The following FOXN3 variants were observed in gnomAD, a reference collection of about 807,000 sequenced individuals.
The protein encoded by FOXN3 is forkhead box N3.
A neutral mutation model predicts 38.4 loss-of-function variants in FOXN3; 7 were observed. The ratio of observed to expected loss-of-function variants is 0.18; its 90% CI spans 0.10 to 0.34. FOXN3 has a LOEUF of 0.34. Among genes scored for constraint, FOXN3 ranks in the 10% least tolerant of loss-of-function variants. FOXN3 has a pLI of 1.00. For missense variants in FOXN3, 456 were observed against 613.4 expected (o/e 0.74, Z 2.71); for synonymous variants, 230 against 242.2 (o/e 0.95, Z 0.47).
At chr14:89,387,959 G>C (rs1890837639) in intron 2 of FOXN3, among the ~76,000 whole-genome samples, 1 of 152,218 alleles carries the variant, frequency 6.6e-6, no homozygotes, top group South Asian at 2.1e-4. Flanking sequence ...CAGGTGGGTG[G>C]ATCACCTGCG....
intron 1 of FOXN3, among the ~76,000 whole-genome samples, chr14:89,509,329 G>GT (rs76127000): frequency 7.9e-5 from 12 of 151,334 alleles, no homozygotes; most frequent in Admixed American, 2.6e-4. Flanking sequence ...TTTTTTTGTT[G>GT]TTGTTTGTTT....
chr14:89,240,511 C>T (rs1325241857), intron 4 of FOXN3, among the ~76,000 whole-genome samples: 1 of 152,194 alleles, frequency 6.6e-6, no homozygotes, highest in East Asian at 1.9e-4. Context: ...GTGAAATACT[C>T]TGACATCAAT....
At chr14:89,521,351 T>C (rs1894312883) in intron 1 of FOXN3, among the ~76,000 whole-genome samples, 1 of 91,236 alleles carries the variant, frequency 1.1e-5, no homozygotes, top group Admixed American at 1.0e-4. Flanking sequence ...TCTTCATAGA[T>C]GATAGATAGA....
intron 4 of FOXN3, among the ~76,000 whole-genome samples, chr14:89,205,125 T>C (rs915068258): frequency 2.0e-5 from 3 of 151,976 alleles, no homozygotes; most frequent in Non-Finnish European, 4.4e-5. Context: ...CTTTGAAAGA[T>C]GCTTCTTTTT....
intron 1 of FOXN3, among the ~76,000 whole-genome samples, chr14:89,430,444 C>T (rs1242552311): frequency 6.6e-6 from 1 of 152,138 alleles, no homozygotes; most frequent in Non-Finnish European, 1.5e-5. Context: ...TTGCTGAAAA[C>T]CCACCACATT....
At chr14:89,290,546 GA>G in intron 3 of FOXN3, 1 of 550,482 alleles carries the variant, frequency 1.8e-6, no homozygotes. Context: ...TTTCACAATT[GA>G]AAATGTAAGC....
At chr14:89,426,519 G>A (rs577162158) in intron 1 of FOXN3, among the ~76,000 whole-genome samples, 5 of 151,952 alleles carry the variant, frequency 3.3e-5, no homozygotes, top group African/African-American at 4.8e-5. Flanking sequence ...CACCATGCCC[G>A]GGCAGGAGTA....
chr14:89,374,960 G>C (rs1344926284), intron 2 of FOXN3, among the ~76,000 whole-genome samples: 1 of 148,580 alleles, frequency 6.7e-6, no homozygotes, highest in African/African-American at 2.5e-5. Flanking sequence ...CTGAGTGACA[G>C]AGTGAGACTC....
In FOXN3 at chr14:89,246,542, C is replaced by CTTTTTTTTTTTTTTT. The variant is rs755916666; in HGVS notation, c.745+34393_745+34407dup. On this transcript the variant is annotated intron_variant, in intron 4 of 5. Coordinates refer to ENST00000557258, the MANE Select transcript of FOXN3 (RefSeq NM_005197.4). ...TTCTCATCTTATTTGCAGGATGCGGCTTTTTTTTTTTTTTTTTTGAGACAG... is the reference window on the plus strand; with the variant it reads ...TTCTCATCTTATTTGCAGGATGCGGCTTTTTTTTTTTTTTTTTTTTTTTTTTTTTTTTTGAGACAG... Among the ~76,000 whole-genome samples the CTTTTTTTTTTTTTTT allele has an allele frequency of 2.4e-5, 2 of 83,986 alleles. 1 individual carries two copies. The highest frequency in any genetic ancestry group is 3.4e-4 in the Admixed American group (2 of 5,830). The allele number at this position is 83,986 out of a possible 152,430, so 55.1% of individuals were successfully genotyped here.
chr14:89,387,002 A>T (rs1035991248), intron 2 of FOXN3, among the ~76,000 whole-genome samples: 2 of 152,208 alleles, frequency 1.3e-5, no homozygotes, highest in Non-Finnish European at 2.9e-5. Flanking sequence ...CACGCCTGTA[A>T]TCCCAGCACT....
chr14:89,320,636 C>T (rs1039760395), intron 3 of FOXN3, among the ~76,000 whole-genome samples: 1 of 152,202 alleles, frequency 6.6e-6, no homozygotes. Flanking sequence ...CTCCTCATCA[C>T]ACTCAGGGGA....
At chr14:89,204,462 C>T (rs765585794) in intron 4 of FOXN3, among the ~76,000 whole-genome samples, 3 of 151,928 alleles carry the variant, frequency 2.0e-5, no homozygotes, top group Non-Finnish European at 4.4e-5. Context: ...ATTCTTCCTC[C>T]GAAAAATAGA....
intron 1 of FOXN3, among the ~76,000 whole-genome samples, chr14:89,594,101 T>C (rs1896009536): frequency 6.6e-6 from 1 of 152,204 alleles, no homozygotes; most frequent in Non-Finnish European, 1.5e-5. Context: ...ATGCACATTA[T>C]ATTATACTCT....
intron 4 of FOXN3, among the ~76,000 whole-genome samples, chr14:89,235,105 T>C (rs1884942427): frequency 6.6e-6 from 1 of 152,184 alleles, no homozygotes. Flanking sequence ...CTATTTCTTA[T>C]TTAATCCTTA....
intron 4 of FOXN3, among the ~76,000 whole-genome samples, chr14:89,187,947 GACTCCCT>G (rs774316114): frequency 2.0e-5 from 3 of 152,178 alleles, no homozygotes; most frequent in Non-Finnish European, 4.4e-5. Context: ...TGCAAAGGTA[GACTCCCT>G]ACTTTCTGCC....
chr14:89,374,263 CAAAAAAAA>C (rs35623770), intron 2 of FOXN3, among the ~76,000 whole-genome samples: 40 of 48,178 alleles, frequency 8.3e-4, no homozygotes, highest in African/African-American at 2.6e-3. Flanking sequence ...GACCTTGTCT[CAAAAAAAA>C]AAAAAAAAAA....
At chr14:89,331,286 A>G (rs914213922) in intron 3 of FOXN3, among the ~76,000 whole-genome samples, 5 of 152,218 alleles carry the variant, frequency 3.3e-5, no homozygotes, top group African/African-American at 1.2e-4. Flanking sequence ...AAAACTTCAT[A>G]TAAGTGGAAT....
chr14:89,462,535 G>A (rs946859482), intron 1 of FOXN3, among the ~76,000 whole-genome samples: 4 of 152,154 alleles, frequency 2.6e-5, no homozygotes, highest in African/African-American at 9.7e-5. Flanking sequence ...GTAGACACTG[G>A]AAAGTCCAAG....
intron 4 of FOXN3, among the ~76,000 whole-genome samples, chr14:89,275,248 A>C (rs1221321858): frequency 6.6e-6 from 1 of 152,206 alleles, no homozygotes; most frequent in Admixed American, 6.6e-5. Context: ...ATCTTCAGCC[A>C]GCCTTCCACC....
Sources: gnomAD v4.1 joint callset for allele counts (sites outside exome capture counted in the v4.1 genomes callset) on GRCh38, gnomAD v4.1.1 for gene constraint, MANE v1.5 for transcripts, NCBI Gene and HGNC (gene_info 2026-07-23, HGNC 2026-07-21) for gene names.